The following SMC6 variants were observed in gnomAD, a reference collection of about 807,000 sequenced individuals.
The protein encoded by SMC6 is structural maintenance of chromosomes protein 6.
In SMC6, 79 loss-of-function variants were observed where a neutral mutation model predicts 142.2. The observed-to-expected ratio is 0.56, with a 90% CI of 0.46 to 0.67. The LOEUF (loss-of-function observed/expected upper bound fraction) is 0.67, where lower values mean the gene tolerates loss of function less well. SMC6 is among the 30% of genes least tolerant of loss of function. SMC6 has a pLI of 0.00. For synonymous variants in SMC6, 411 were observed against 412.4 expected (o/e 1.00, Z 0.04); for missense variants, 1,072 against 1,284.0 (o/e 0.83, Z 2.52).
At chr2:17,726,531 A>C in intron 7 of SMC6, 62 bp from the exon 8 acceptor site, 1 of 1,361,454 alleles carries the variant, frequency 7.3e-7, no homozygotes, top group Non-Finnish European at 1.0e-6. Flanking sequence ...ATAGGTAAAA[A>C]CTGAAACATA....
intron 21 of SMC6, among the ~76,000 whole-genome samples, chr2:17,698,389 C>CT (rs1301068276): frequency 1.3e-5 from 2 of 151,900 alleles, no homozygotes; most frequent in African/African-American, 2.4e-5. Context: ...TTTTGCTTCC[C>CT]TTATGTTACA....
At chr2:17,701,944 A>G (rs1414815257) in intron 19 of SMC6, 35 bp from the exon 20 acceptor site, 2 of 1,162,390 alleles carry the variant, frequency 1.7e-6, no homozygotes, top group East Asian at 5.1e-5. Context: ...AGTAACATAA[A>G]AAAAAATTTA....
intron 21 of SMC6, among the ~76,000 whole-genome samples, chr2:17,698,289 A>T (rs11884173): frequency 0.14 from 21,185 of 151,986 alleles, 1,768 homozygotes; most frequent in African/African-American, 0.24. Context: ...AACAATATAT[A>T]AATAATGATT....
At chr2:17,716,060 TA>T in intron 15 of SMC6, 25 bp downstream of exon 15, 1 of 1,459,504 alleles carries the variant, frequency 6.9e-7, no homozygotes, top group Non-Finnish European at 9.0e-7. Flanking sequence ...AAGTTTATTA[TA>T]ACCTCGCTAA....
chr2:17,689,454 T>C (rs189304978), intron 23 of SMC6, among the ~76,000 whole-genome samples: 1 of 152,314 alleles, frequency 6.6e-6, no homozygotes, highest in East Asian at 1.9e-4. Flanking sequence ...ATACTCTTAT[T>C]CTTAGGGAAT....
At chr2:17,688,892 T>C (rs1256195794) in intron 23 of SMC6, among the ~76,000 whole-genome samples, 2 of 152,134 alleles carry the variant, frequency 1.3e-5, no homozygotes, top group Non-Finnish European at 2.9e-5. Context: ...CTGATAAATA[T>C]GAAGGATGCA....
chr2:17,696,244 G>T, intron 22 of SMC6, 45 bp downstream of exon 22: 1 of 1,563,356 alleles, frequency 6.4e-7, no homozygotes, highest in Non-Finnish European at 8.6e-7. Flanking sequence ...TAATAATCAT[G>T]GCTAAGGCTG....
intron 18 of SMC6, among the ~76,000 whole-genome samples, chr2:17,705,805 T>A (rs1054780945): frequency 4.6e-5 from 7 of 152,218 alleles, no homozygotes; most frequent in African/African-American, 1.4e-4. Flanking sequence ...TAGTTTTTTT[T>A]ACTGAGTTTT....
intron 19 of SMC6, 147 bp downstream of exon 19, chr2:17,703,010 A>G: frequency 2.3e-6 from 1 of 443,036 alleles, no homozygotes; most frequent in South Asian, 6.6e-5. Flanking sequence ...ATATACCCAC[A>G]TAAATGAAAG....
At chr2:17,677,862 C>T (rs1667069441) in intron 25 of SMC6, among the ~76,000 whole-genome samples, 2 of 151,692 alleles carry the variant, frequency 1.3e-5, no homozygotes, top group African/African-American at 2.4e-5. Context: ...AGCTTTTAAA[C>T]AAAAAAGATG....
chr2:17,734,984 G>A (rs573832462), intron 5 of SMC6, among the ~76,000 whole-genome samples: 2 of 152,228 alleles, frequency 1.3e-5, no homozygotes, highest in East Asian at 1.9e-4. Context: ...CGCCCAACTC[G>A]GGCTCGAAAG....
Position 17,691,549 on chromosome 2 carries a change from T to C in SMC6, c.2678+3603A>G, listed in dbSNP as rs565186859. Among the ~76,000 whole-genome samples, 19 of 151,892 alleles carry C rather than the reference T, an allele frequency of 1.3e-4. No homozygotes were observed. In the South Asian group the frequency reaches 3.1e-3, roughly 25 times the overall value. ...CTAAAAACTCTCAATAAATTAGGTA[T>C]TGATGGGACGTATCTCAAAATAATA... On this transcript the variant is annotated intron_variant, in intron 23 of 27. Coordinates refer to ENST00000448223, the MANE Select transcript of SMC6 (RefSeq NM_001142286.2).
chr2:17,665,958 C>T (rs1666476274), intron 27 of SMC6, among the ~76,000 whole-genome samples: 2 of 152,120 alleles, frequency 1.3e-5, no homozygotes, highest in South Asian at 4.1e-4. Flanking sequence ...AATCACATGG[C>T]CACTTTAGAG....
chr2:17,729,358 G>A (rs192543362), intron 7 of SMC6, among the ~76,000 whole-genome samples: 4 of 152,258 alleles, frequency 2.6e-5, no homozygotes, highest in Admixed American at 2.6e-4. Flanking sequence ...AAAGGACTAG[G>A]AATCTTTAAA....
At chr2:17,667,576 G>A (rs1408029403) in intron 26 of SMC6, among the ~76,000 whole-genome samples, 2 of 152,168 alleles carry the variant, frequency 1.3e-5, no homozygotes, top group African/African-American at 2.4e-5. Flanking sequence ...GGTGCCGGGC[G>A]CAGCAGCTCA....
Position 17,716,076 on chromosome 2 carries a change from A to T in SMC6, c.1525+10T>A. 6.7e-7 allele frequency: 1 copy of T among 1,484,216 alleles called. No homozygotes were observed. The highest frequency in any genetic ancestry group is 8.9e-7 in the Non-Finnish European group (1 of 1,121,420). The allele number at this position is 1,484,216 out of a possible 1,614,324, so 91.9% of individuals were successfully genotyped here. On this transcript the variant is annotated intron_variant, in intron 15 of 27. Coordinates refer to ENST00000448223, the MANE Select transcript of SMC6 (RefSeq NM_001142286.2). ...AGTTTATTATAACCTCGCTAAATTA[A>T]GACAAATACCTAAAGGGCCTACAGG...
chr2:17,716,023 C>A, intron 15 of SMC6, 63 bp downstream of exon 15: 1 of 1,276,010 alleles, frequency 7.8e-7, no homozygotes, highest in Non-Finnish European at 1.0e-6. Context: ...TTCATTCAAT[C>A]GTTCTGAAAA....
intron 18 of SMC6, among the ~76,000 whole-genome samples, chr2:17,704,807 G>A (rs1668425533): frequency 6.6e-6 from 1 of 152,110 alleles, no homozygotes; most frequent in Admixed American, 6.5e-5. Context: ...CTGAATAAAT[G>A]ATAAAAATGT....
At chr2:17,701,939 C>A in intron 19 of SMC6, 30 bp from the exon 20 acceptor site, 4 of 1,244,398 alleles carry the variant, frequency 3.2e-6, no homozygotes, top group South Asian at 1.4e-5. Flanking sequence ...ATTTTAGTAA[C>A]ATAAAAAAAA....
Sources: gnomAD v4.1 joint callset for allele counts (sites outside exome capture counted in the v4.1 genomes callset) on GRCh38, gnomAD v4.1.1 for gene constraint, MANE v1.5 for transcripts, NCBI Gene and HGNC (gene_info 2026-07-23, HGNC 2026-07-21) for gene names.